The following ST6GALNAC3 variants were observed in gnomAD, a reference collection of about 807,000 sequenced individuals.
ST6GALNAC3 encodes the protein ST6 N-acetylgalactosaminide alpha-2,6-sialyltransferase 3.
Under a neutral mutation model 32.7 loss-of-function variants are expected in ST6GALNAC3, and 25 were observed. The ratio of observed to expected loss-of-function variants is 0.76; its 90% CI spans 0.56 to 1.07. ST6GALNAC3 has a LOEUF of 1.07. Ranked by LOEUF, ST6GALNAC3 falls within the 50% of genes least tolerant of loss-of-function variation. ST6GALNAC3 has a pLI of 0.00. For synonymous variants in ST6GALNAC3, 129 were observed against 133.1 expected, an observed-to-expected ratio of 0.97 and a Z score of 0.21; for missense variants, 355 against 382.4, an observed-to-expected ratio of 0.93 and a Z score of 0.60.
At chr1:76,108,942 A>G (rs1293659698) in intron 1 of ST6GALNAC3, among the ~76,000 whole-genome samples, 1 of 151,868 alleles carries the variant, frequency 6.6e-6, no homozygotes, top group Non-Finnish European at 1.5e-5. Context: ...ATAAAGGCTC[A>G]GTTTCCTTTG....
intron 2 of ST6GALNAC3, among the ~76,000 whole-genome samples, chr1:76,391,044 A>T (rs1426369829): frequency 6.6e-6 from 1 of 150,412 alleles, no homozygotes; most frequent in African/African-American, 2.4e-5. Context: ...GGATCACGCC[A>T]TTCTCCTGCC....
intron 2 of ST6GALNAC3, among the ~76,000 whole-genome samples, chr1:76,381,540 T>C (rs1651714903): frequency 1.3e-5 from 2 of 152,158 alleles, no homozygotes; most frequent in African/African-American, 2.4e-5. Flanking sequence ...GTAGCTGCTC[T>C]CAGGCTCACC....
At chr1:76,174,236 A>C (rs984580790) in intron 1 of ST6GALNAC3, among the ~76,000 whole-genome samples, 9 of 152,208 alleles carry the variant, frequency 5.9e-5, no homozygotes, top group Non-Finnish European at 1.0e-4. Context: ...CAAATACCAC[A>C]TGTTCTCACT....
intron 3 of ST6GALNAC3, among the ~76,000 whole-genome samples, chr1:76,538,503 CT>C (rs1057487080): frequency 4.8e-4 from 73 of 151,996 alleles, no homozygotes; most frequent in African/African-American, 1.6e-3. Flanking sequence ...CAACATAGTA[CT>C]GGAAGTTCTG....
intron 1 of ST6GALNAC3, among the ~76,000 whole-genome samples, chr1:76,085,316 C>T (rs1646950198): frequency 6.6e-6 from 1 of 152,144 alleles, no homozygotes; most frequent in Non-Finnish European, 1.5e-5. Flanking sequence ...TAAAGTTTGC[C>T]AACCCTTGTG....
At chr1:76,284,386 T>A (rs1659663137) in intron 1 of ST6GALNAC3, among the ~76,000 whole-genome samples, 2 of 152,310 alleles carry the variant, frequency 1.3e-5, no homozygotes, top group South Asian at 4.1e-4. Flanking sequence ...TTGGACATAT[T>A]TTCTATTCTA....
At chr1:76,380,238 C>G (rs887115563) in intron 2 of ST6GALNAC3, among the ~76,000 whole-genome samples, 7 of 152,090 alleles carry the variant, frequency 4.6e-5, no homozygotes, top group African/African-American at 1.7e-4. Context: ...CATCACTCAT[C>G]AGGGTAGTGC....
intron 3 of ST6GALNAC3, among the ~76,000 whole-genome samples, chr1:76,609,497 A>G (rs1163206384): frequency 2.0e-5 from 3 of 152,198 alleles, no homozygotes. Flanking sequence ...TCTGTCAAAG[A>G]AATGATAAGT....
chr1:76,258,967 C>T (rs572200), intron 1 of ST6GALNAC3, among the ~76,000 whole-genome samples: 29,631 of 152,100 alleles, frequency 0.19, 3,029 homozygotes, highest in Non-Finnish European at 0.22. Context: ...AACTCTTAAA[C>T]GCTTTCAAAT....
chr1:76,099,865 A>G (rs532539340), intron 1 of ST6GALNAC3, among the ~76,000 whole-genome samples: 1 of 152,296 alleles, frequency 6.6e-6, no homozygotes, highest in East Asian at 1.9e-4. Context: ...CATTTTTACA[A>G]ATTGAGTCTT....
At chr1:76,381,466 G>A (rs572759685) in intron 2 of ST6GALNAC3, among the ~76,000 whole-genome samples, 6 of 152,018 alleles carry the variant, frequency 3.9e-5, no homozygotes, top group Admixed American at 3.3e-4. Context: ...CTATTATTTA[G>A]TGATGTCTGC....
chr1:76,297,971 C>G (rs1019225558), intron 1 of ST6GALNAC3, among the ~76,000 whole-genome samples: 8 of 150,406 alleles, frequency 5.3e-5, no homozygotes, highest in African/African-American at 2.0e-4. Context: ...AAGTTTTGTA[C>G]AGAAAAAAAA....
At chr1:76,283,567 TG>T (rs1174293914) in intron 1 of ST6GALNAC3, among the ~76,000 whole-genome samples, 3 of 152,228 alleles carry the variant, frequency 2.0e-5, no homozygotes, top group Non-Finnish European at 2.9e-5. Context: ...CTGGCCTGTT[TG>T]GTAAAACTGT....
chr1:76,441,194 T>C (rs1656574224), intron 3 of ST6GALNAC3, among the ~76,000 whole-genome samples: 1 of 151,958 alleles, frequency 6.6e-6, no homozygotes, highest in South Asian at 2.1e-4. Context: ...AAAATGTGTG[T>C]AGTTATAATT....
At chr1:76,383,647 A>G (rs1651885867) in intron 2 of ST6GALNAC3, among the ~76,000 whole-genome samples, 1 of 152,188 alleles carries the variant, frequency 6.6e-6, no homozygotes, top group South Asian at 2.1e-4. Flanking sequence ...AAATGAAAGA[A>G]GCAATGAAGA....
chr1:76,409,999 A>G (rs1318216867), intron 2 of ST6GALNAC3, among the ~76,000 whole-genome samples: 1 of 152,118 alleles, frequency 6.6e-6, no homozygotes, highest in African/African-American at 2.4e-5. Context: ...CATGGTCCAC[A>G]TCACTATCCT....
Position 76,236,737 on chromosome 1 carries a change from A to C in ST6GALNAC3, c.19-77068A>C, listed in dbSNP as rs1023394076. On this transcript the variant is annotated intron_variant, in intron 1 of 4. Transcript: ENST00000328299. ...TAATGGAAGAAGGTTTTAAAAATTCATACCTCCTTACTTTAGTTTTTGTGT... is the reference window on the plus strand; with the variant it reads ...TAATGGAAGAAGGTTTTAAAAATTCCTACCTCCTTACTTTAGTTTTTGTGT... Among the ~76,000 whole-genome samples the C allele has an allele frequency of 1.3e-5, 2 of 152,282 alleles. 1 individual carries two copies. Among genetic ancestry groups the C allele is most frequent in the South Asian group, 4.1e-4 (2 of 4,822 alleles).
At chr1:76,168,057 A>T (rs186311408) in intron 1 of ST6GALNAC3, among the ~76,000 whole-genome samples, 1 of 151,862 alleles carries the variant, frequency 6.6e-6, no homozygotes, top group African/African-American at 2.4e-5. Flanking sequence ...TAGATTCTCT[A>T]GTTCTTTAGT....
chr1:76,221,185 C>T (rs1174071920), intron 1 of ST6GALNAC3, among the ~76,000 whole-genome samples: 1 of 152,132 alleles, frequency 6.6e-6, no homozygotes. Context: ...GGTTCTAGAA[C>T]CCTCAATGTA....
Sources: allele counts gnomAD v4.1 joint callset (sites outside exome capture counted in the v4.1 genomes callset), GRCh38; gene constraint gnomAD v4.1.1; transcripts MANE v1.5; gene names NCBI Gene and HGNC (gene_info 2026-07-23, HGNC 2026-07-21).